KDM4C: variants seen among roughly 807,000 people sequenced by gnomAD.
KDM4C encodes lysine-specific demethylase 4C.
In KDM4C, 81 loss-of-function variants were observed where a neutral mutation model predicts 129.3. The ratio of observed to expected loss-of-function variants is 0.63; its 90% CI spans 0.52 to 0.75. KDM4C has a LOEUF of 0.75. Among genes scored for constraint, KDM4C ranks in the 30% least tolerant of loss-of-function variants. The pLI, the probability that KDM4C is intolerant of heterozygous loss-of-function variation, is 0.00. For missense variants in KDM4C, 1,457 were observed against 1,304.0 expected (o/e 1.12, Z -1.81); for synonymous variants, 573 against 456.1 (o/e 1.26, Z -3.26).
intron 4 of KDM4C, chr9:6,834,581 A>G: frequency 1.4e-6 from 1 of 728,330 alleles, no homozygotes; most frequent in Non-Finnish European, 2.6e-6. Flanking sequence ...GCACCAGGGC[A>G]TGATGGTGGG....
intron 8 of KDM4C, among the ~76,000 whole-genome samples, chr9:6,980,242 A>G (rs901563167): frequency 2.0e-5 from 3 of 152,218 alleles, no homozygotes; most frequent in Non-Finnish European, 4.4e-5. Flanking sequence ...CTTGCTTAAT[A>G]AGATGTGACT....
At chr9:7,172,888 C>A (rs960768115) in intron 21 of KDM4C, among the ~76,000 whole-genome samples, 1 of 152,230 alleles carries the variant, frequency 6.6e-6, no homozygotes, top group Admixed American at 6.5e-5. Context: ...CAGAAGTCAT[C>A]CACCTCAGTG....
chr9:6,792,586 A>G (rs1365856189), intron 1 of KDM4C, among the ~76,000 whole-genome samples: 2 of 152,048 alleles, frequency 1.3e-5, no homozygotes, highest in East Asian at 3.9e-4. Flanking sequence ...GTGGGGTTTC[A>G]CCATGTTGGC....
chr9:7,173,038 A>G (rs112363150), intron 21 of KDM4C, among the ~76,000 whole-genome samples: 53 of 152,270 alleles, frequency 3.5e-4, no homozygotes, highest in African/African-American at 1.3e-3. Context: ...CTTACTGAAC[A>G]GCAGCCAAAT....
intron 5 of KDM4C, among the ~76,000 whole-genome samples, chr9:6,866,236 T>C (rs1841955187): frequency 6.6e-6 from 1 of 152,182 alleles, no homozygotes; most frequent in Non-Finnish European, 1.5e-5. Context: ...TTCTTATAAT[T>C]TACCTTGGAT....
At position 6,870,677 on chromosome 9, in the gene KDM4C, G is replaced by C. The variant is rs143363413; in HGVS notation, c.630-9335G>C. On this transcript the variant is annotated intron_variant, in intron 5 of 21. Transcript: ENST00000381309. ...CATACAAGCTTATGCGAGGAATGGG[G>C]CCGGGGGATCATTTTGGGGTTGTTA... Among the ~76,000 whole-genome samples the C allele has an allele frequency of 2.0e-5, 3 of 152,168 alleles. No homozygotes were observed. The East Asian group carries it at 5.8e-4, about 30-fold the overall frequency.
intron 1 of KDM4C, among the ~76,000 whole-genome samples, chr9:6,732,354 G>C (rs1434901017): frequency 2.0e-5 from 2 of 101,252 alleles, no homozygotes; most frequent in Non-Finnish European, 3.6e-5. Context: ...GACAGAGCAA[G>C]ACTCTGTCTC....
chr9:7,157,030 G>C (rs1843253491), intron 19 of KDM4C, among the ~76,000 whole-genome samples: 1 of 152,082 alleles, frequency 6.6e-6, no homozygotes, highest in East Asian at 1.9e-4. Flanking sequence ...TTATTTTGTT[G>C]AGCAGTGGTT....
At chr9:6,864,146 C>T (rs1189885971) in intron 5 of KDM4C, among the ~76,000 whole-genome samples, 5 of 152,048 alleles carry the variant, frequency 3.3e-5, no homozygotes, top group Admixed American at 6.5e-5. Context: ...CTCCCTGCTT[C>T]GTATTGAAGA....
At chr9:7,141,644 G>A (rs537692571) in intron 19 of KDM4C, among the ~76,000 whole-genome samples, 1 of 152,312 alleles carries the variant, frequency 6.6e-6, no homozygotes, top group African/African-American at 2.4e-5. Context: ...TTCGGAAGAA[G>A]CCCAGACTTC....
chr9:7,019,345 A>T (rs1824241437), intron 15 of KDM4C, among the ~76,000 whole-genome samples: 2 of 152,180 alleles, frequency 1.3e-5, no homozygotes, highest in African/African-American at 4.8e-5. Context: ...TTGTAAATAA[A>T]GGGCTCTAAA....
intron 2 of KDM4C, among the ~76,000 whole-genome samples, chr9:6,798,546 A>C (rs973576498): frequency 2.4e-4 from 36 of 152,120 alleles, no homozygotes; most frequent in African/African-American, 6.3e-4. Flanking sequence ...CAGAGAGCAC[A>C]GGGTTGGGGG....
chr9:6,851,914 G>A (rs1171903541), intron 5 of KDM4C, among the ~76,000 whole-genome samples: 1 of 152,206 alleles, frequency 6.6e-6, no homozygotes, highest in Non-Finnish European at 1.5e-5. Context: ...TATATGTGCA[G>A]TAGTTAATTA....
chr9:7,162,578 G>A (rs183746105), intron 19 of KDM4C, among the ~76,000 whole-genome samples: 171 of 152,232 alleles, frequency 1.1e-3, no homozygotes, highest in Admixed American at 2.0e-3. Context: ...TAAACTGCTC[G>A]AATGCAATTT....
In KDM4C at chr9:7,011,895, A is replaced by C. The variant is rs766960018; in HGVS notation, c.1968+16A>C. The C allele has an allele frequency of 1.9e-6, 3 of 1,605,424 alleles. No individual in the cohort carries two copies. The highest frequency in any genetic ancestry group is 2.6e-6 in the Non-Finnish European group (3 of 1,173,730). On this transcript the variant is annotated intron_variant, in intron 13 of 21. Transcript: ENST00000381309. Reference sequence around the variant, plus strand: ...GTACCACAAGGTAAAGGAGCCTGCTATCATAGTTCCCTTCACTGCTCTGCC... The same window carrying C: ...GTACCACAAGGTAAAGGAGCCTGCTCTCATAGTTCCCTTCACTGCTCTGCC...
upstream of KDM4C, chr9:6,757,917 C>G (rs1818536009): frequency 1.2e-5 from 12 of 985,430 alleles, no homozygotes; most frequent in Non-Finnish European, 1.3e-5. Context: ...GCCCACGTGA[C>G]TCACCAAGTG....
intron 1 of KDM4C, among the ~76,000 whole-genome samples, chr9:6,789,432 G>T (rs572028640): frequency 1.3e-5 from 2 of 152,146 alleles, no homozygotes; most frequent in Admixed American, 6.5e-5. Context: ...TGTTGGTCAG[G>T]CTGTCTCGAA....
intron 8 of KDM4C, among the ~76,000 whole-genome samples, chr9:6,971,797 A>C (rs1832030883): frequency 6.6e-6 from 1 of 152,236 alleles, no homozygotes; most frequent in Non-Finnish European, 1.5e-5. Context: ...TTAATTTTAA[A>C]ATAACTTACA....
chr9:6,932,632 C>A (rs1823958777), intron 8 of KDM4C, among the ~76,000 whole-genome samples: 1 of 152,116 alleles, frequency 6.6e-6, no homozygotes, highest in Non-Finnish European at 1.5e-5. Context: ...TAAGTGTCTC[C>A]CCCTGGTGCA....
Sources: allele counts gnomAD v4.1 joint callset (sites outside exome capture counted in the v4.1 genomes callset), GRCh38; gene constraint gnomAD v4.1.1; transcripts MANE v1.5; gene names NCBI Gene and HGNC (gene_info 2026-07-23, HGNC 2026-07-21).